The following ULK1 variants were observed in gnomAD, a reference collection of about 807,000 sequenced individuals.
The protein encoded by ULK1 is serine/threonine-protein kinase ULK1.
A neutral mutation model predicts 117.5 loss-of-function variants in ULK1; 48 were observed. That is an observed-to-expected ratio of 0.41 (90% CI 0.32 to 0.52). The LOEUF is 0.52. Among genes scored for constraint, ULK1 ranks in the 20% least tolerant of loss-of-function variants. ULK1 has a pLI of 0.29. For synonymous variants in ULK1, 790 were observed against 637.8 expected, an observed-to-expected ratio of 1.24 and a Z score of -3.60; for missense variants, 1,387 against 1,473.4, an observed-to-expected ratio of 0.94 and a Z score of 0.96.
intron 20 of ULK1, among the ~76,000 whole-genome samples, 176 bp downstream of exon 20, chr12:131,916,767 C>G (rs1341154552): frequency 1.3e-5 from 2 of 152,174 alleles, no homozygotes; most frequent in Non-Finnish European, 2.9e-5. Flanking sequence ...GGCCCTAGAC[C>G]CACAGCAGGT....
rs529364336 is a variant in ULK1 at position 131,903,866 on chromosome 12, G to A, written c.247-3026G>A. Among the ~76,000 whole-genome samples the A allele has an allele frequency of 6.6e-6, 1 of 152,166 alleles. No homozygotes were observed. ...GAGGTTTTGGGGACAGAGGAGGGCTGCCAGCACAGTGGGGAGGGCAGAGGG... is the reference window on the plus strand; with the variant it reads ...GAGGTTTTGGGGACAGAGGAGGGCTACCAGCACAGTGGGGAGGGCAGAGGG... On this transcript the variant is annotated intron_variant, in intron 3 of 27. Coordinates refer to ENST00000321867, the MANE Select transcript of ULK1 (RefSeq NM_003565.4). The surrounding 1 kb of genome is among the most constrained non-coding windows in gnomAD (Gnocchi z 6.0).
chr12:131,917,231 ACGGGGG>A (rs1194797176), intron 21 of ULK1, among the ~76,000 whole-genome samples, 169 bp downstream of exon 21: 2 of 47,148 alleles, frequency 4.2e-5, no homozygotes, highest in African/African-American at 8.5e-5. Flanking sequence ...AGGCTGTGGG[ACGGGGG>A]TCGGGTTCGG....
chr12:131,913,462 G>A (rs1220766820), intron 14 of ULK1, among the ~76,000 whole-genome samples: 2 of 151,968 alleles, frequency 1.3e-5, no homozygotes, highest in African/African-American at 4.8e-5. Context: ...TTGGGAGGCC[G>A]AGGCGGATGG....
At position 131,915,972 on chromosome 12, in the gene ULK1, A is replaced by T. The variant is rs1306815107; in HGVS notation, c.1691A>T (p.His564Leu). The T allele has an allele frequency of 2.5e-6, 4 of 1,611,736 alleles. No homozygotes were observed. The South Asian group carries it at 3.3e-5, about 13-fold the overall frequency. ...LHSAPNLSDL[H>L]VVRPKLPKPP... Reference sequence around the variant, plus strand: ...AGCGCCCCCAACCTGTCTGACTTGCACGTCGTCCGCCCCAAGCTGCCCAAA... The same window carrying T: ...AGCGCCCCCAACCTGTCTGACTTGCTCGTCGTCCGCCCCAAGCTGCCCAAA... Residue 564 changes from histidine (H) to leucine (L), a missense_variant, in exon 19 of 28, where the codon CAC becomes CTC. Physicochemically the swap from His to Leu is moderately conservative, Grantham distance 99. This residue lies in a region of ULK1 where 900 missense variants were observed against 858.9 expected (regional missense o/e 1.05). Coordinates refer to ENST00000321867, the MANE Select transcript of ULK1 (RefSeq NM_003565.4).
intron 3 of ULK1, among the ~76,000 whole-genome samples, chr12:131,900,729 G>GAGCC (rs1240106713): frequency 1.3e-5 from 2 of 152,280 alleles, no homozygotes; most frequent in African/African-American, 4.8e-5. Context: ...CCTGCAGACA[G>GAGCC]AGCCGCTGCC....
rs771972568 is a variant in ULK1 at position 131,916,946 on chromosome 12, C to G, written c.2073-7C>G. 1.9e-6 allele frequency: 3 copies of G among 1,608,726 alleles called. No homozygotes were observed. In the African/African-American group the frequency reaches 4.0e-5, roughly 22 times the overall value. ...GGCACCCAGCACAGCCCTGCACACT[C>G]CCACAGGTCTTTCAGCACCAGCCGC... On this transcript the variant is annotated splice_polypyrimidine_tract_variant and splice_region_variant and intron_variant, in intron 20 of 27. Coordinates refer to ENST00000321867, the MANE Select transcript of ULK1 (RefSeq NM_003565.4).
intron 5 of ULK1, 31 bp downstream of exon 5, chr12:131,907,562 C>T (rs1432147599): frequency 3.7e-6 from 6 of 1,601,526 alleles, no homozygotes; most frequent in South Asian, 2.2e-5. Flanking sequence ...CCTGGGCTGC[C>T]AGCCGGTCCC....
chr12:131,914,003 A>T (rs888608983), intron 15 of ULK1, among the ~76,000 whole-genome samples, 167 bp downstream of exon 15: 1 of 152,058 alleles, frequency 6.6e-6, no homozygotes, highest in African/African-American at 2.4e-5. Flanking sequence ...TGCAGAAGGG[A>T]CTATAGTGGG....
rs759844531 is a variant in ULK1 at position 131,916,026 on chromosome 12, T to TCAGCCCACCACAGGC, written c.1752_1766dup (p.Ala587_Gln591dup). 4 of 1,612,076 alleles carry TCAGCCCACCACAGGC rather than the reference T, an allele frequency of 2.5e-6. No homozygotes were observed. The highest frequency in any genetic ancestry group is 3.3e-5 in the Admixed American group (2 of 59,976). ...CCCACGGACCCCCTGGGAGCTGTGT[T>TCAGCCCACCACAGGC]CAGCCCACCACAGGCCAGCCCTCCC... On this transcript the variant is annotated inframe_insertion, in exon 19 of 28. Transcript: ENST00000321867.
chr12:131,909,675 G>A, intron 8 of ULK1, 100 bp from the exon 9 acceptor site: 3 of 1,284,482 alleles, frequency 2.3e-6, no homozygotes, highest in South Asian at 3.0e-5. Context: ...GCTTCGCAGC[G>A]TCTGGGGCAG....
At chr12:131,916,293 T>C (rs1417166189) in intron 19 of ULK1, 105 bp from the exon 20 acceptor site, 6 of 1,510,104 alleles carry the variant, frequency 4.0e-6, no homozygotes, top group Admixed American at 2.2e-5. Flanking sequence ...CTCAGGCTGC[T>C]CCCACATGCC....
chr12:131,912,341 G>A (rs944875656), intron 13 of ULK1, among the ~76,000 whole-genome samples: 3 of 152,192 alleles, frequency 2.0e-5, no homozygotes, highest in African/African-American at 7.2e-5. Flanking sequence ...CTTAGACAGT[G>A]CTGCTCTTCG....
At chr12:131,899,336 GCGCCACCA>G (rs1888999797) in intron 3 of ULK1, among the ~76,000 whole-genome samples, 1 of 151,154 alleles carries the variant, frequency 6.6e-6, no homozygotes, top group Non-Finnish European at 1.5e-5. Flanking sequence ...TTACAGACAT[GCGCCACCA>G]CGCCTGGCTA....
intron 3 of ULK1, 72 bp from the exon 4 acceptor site, chr12:131,906,820 G>A: frequency 2.5e-6 from 4 of 1,603,742 alleles, no homozygotes; most frequent in Non-Finnish European, 3.4e-6. Flanking sequence ...GCCGAATTGG[G>A]GCTGAGCCAG....
rs1049158728 is a variant in ULK1 at position 131,902,906 on chromosome 12, C to T, written c.247-3986C>T. Among the ~76,000 whole-genome samples the T allele has an allele frequency of 2.0e-5, 3 of 152,160 alleles. No homozygotes were observed. The highest frequency in any genetic ancestry group is 1.9e-4 in the East Asian group (1 of 5,188). ...GGTGACTTGATTCTGGGAGCTTGCC[C>T]GGTCCCCACTGCCCAGGGTAGCTTG... is the stretch of plus-strand genomic sequence containing the variant. On this transcript the variant is annotated intron_variant, in intron 3 of 27. Coordinates refer to ENST00000321867, the MANE Select transcript of ULK1 (RefSeq NM_003565.4). This position sits in a 1 kb window ranked among gnomAD's most constrained non-coding sequence, Gnocchi z 6.3.
At position 131,902,265 on chromosome 12, in the gene ULK1, T is replaced by G. The variant is rs1040290134; in HGVS notation, c.247-4627T>G. Among the ~76,000 whole-genome samples the G allele has an allele frequency of 6.6e-6, 1 of 152,126 alleles. No homozygotes were observed. Among genetic ancestry groups the G allele is most frequent in the Non-Finnish European group, 1.5e-5 (1 of 67,992 alleles). Reference sequence around the variant, plus strand: ...GCTTTTGCCACTTTCCGGAGCCAGCTCTGGAGGTGTGAACTAGGTCAGTGC... The same window carrying G: ...GCTTTTGCCACTTTCCGGAGCCAGCGCTGGAGGTGTGAACTAGGTCAGTGC... On this transcript the variant is annotated intron_variant, in intron 3 of 27. Coordinates refer to ENST00000321867, the MANE Select transcript of ULK1 (RefSeq NM_003565.4). The surrounding 1 kb of genome is among the most constrained non-coding windows in gnomAD (Gnocchi z 6.3).
Position 131,915,381 on chromosome 12 carries a change from A to G in ULK1, c.1569A>G (p.Pro523=), listed in dbSNP as rs2136401723. The change falls in exon 18 of 28, where the codon CCA becomes CCG. Residue 523 remains proline (P), a synonymous_variant. Transcript: ENST00000321867. ...CAGGCTGGAGCGGGACGCCCTCCCCACAGGGAGCTGAGATGCGGGGTGGCA... is the reference window on the plus strand; with the variant it reads ...CAGGCTGGAGCGGGACGCCCTCCCCGCAGGGAGCTGAGATGCGGGGTGGCA... ...ERPGWSGTPS[P]QGAEMRGGRS... The G allele has an allele frequency of 6.2e-7, 1 of 1,612,756 alleles. No homozygotes were observed. Among genetic ancestry groups the G allele is most frequent in the East Asian group, 2.2e-5 (1 of 44,882 alleles).
Position 131,894,666 on chromosome 12 carries a change from C to T in ULK1, c.-336C>T, listed in dbSNP as rs969951250. ...CTCAGGCTCTGAGGCCCGGGCGCCG[C>T]GGCTCTTTTGTTTCTCCGTTGGGGC... is the stretch of plus-strand genomic sequence containing the variant. On this transcript the variant is annotated 5_prime_UTR_variant, in exon 1 of 28. Transcript: ENST00000321867. 6.6e-6 allele frequency: 1 copy of T among 151,546 alleles called. No individual in the cohort carries two copies. Among genetic ancestry groups the T allele is most frequent in the African/African-American group, 2.4e-5 (1 of 41,230 alleles). 9.4% of individuals were successfully genotyped at this position (151,546 alleles called of 1,614,324 possible).
In ULK1 at chr12:131,907,049, C is replaced by T. The variant is rs137914264; in HGVS notation, c.279+125C>T. On this transcript the variant is annotated intron_variant, in intron 4 of 27. Coordinates refer to ENST00000321867, the MANE Select transcript of ULK1 (RefSeq NM_003565.4). Reference sequence around the variant, plus strand: ...TTTCTTTTTTTTTGAGATGGAGTCTCACTGTCGCCCAGGCTGGAGTGCAGT... The same window carrying T: ...TTTCTTTTTTTTTGAGATGGAGTCTTACTGTCGCCCAGGCTGGAGTGCAGT... 841 of 1,314,658 alleles carry T rather than the reference C, an allele frequency of 6.4e-4. 2 individuals carry two copies. Among genetic ancestry groups the T allele is most frequent in the African/African-American group, 6.0e-3 (410 of 68,686 alleles). The allele number at this position is 1,314,658 out of a possible 1,614,324, so 81.4% of individuals were successfully genotyped here. A position where few individuals can be genotyped will look rare whatever the true frequency, so the allele number is the denominator to read the frequency against.
Sources: allele counts gnomAD v4.1 joint callset (sites outside exome capture counted in the v4.1 genomes callset), GRCh38; gene constraint gnomAD v4.1.1; regional missense constraint gnomAD v4.1.1; non-coding constraint Gnocchi (gnomAD v3.1); transcripts MANE v1.5; gene names NCBI Gene and HGNC (gene_info 2026-07-23, HGNC 2026-07-21).